The following SNTG1 variants were observed in gnomAD, a reference collection of about 807,000 sequenced individuals.
SNTG1 encodes the protein gamma-1-syntrophin.
A neutral mutation model predicts 74.7 loss-of-function variants in SNTG1; 39 were observed. The observed-to-expected ratio is 0.52, with a 90% CI of 0.40 to 0.68. The LOEUF (loss-of-function observed/expected upper bound fraction) is 0.68. Among genes scored for constraint, SNTG1 ranks in the 30% least tolerant of loss-of-function variants. SNTG1 has a pLI of 0.00. For missense variants in SNTG1, 685 were observed against 609.5 expected, an observed-to-expected ratio of 1.12 and a Z score of -1.30; for synonymous variants, 254 against 217.1, an observed-to-expected ratio of 1.17 and a Z score of -1.49.
chr8:50,261,546 G>C (rs998023348), intron 2 of SNTG1, among the ~76,000 whole-genome samples: 2 of 152,040 alleles, frequency 1.3e-5, no homozygotes, highest in South Asian at 4.1e-4. Context: ...CTACTAATCT[G>C]TTAGTTGCTA....
At chr8:49,921,300 A>T (rs1024465518) in intron 1 of SNTG1, among the ~76,000 whole-genome samples, 1 of 152,082 alleles carries the variant, frequency 6.6e-6, no homozygotes, top group Non-Finnish European at 1.5e-5. Context: ...TAACAAACAT[A>T]CCATGGTTAA....
At chr8:50,138,826 G>A (rs2081565767) in intron 1 of SNTG1, among the ~76,000 whole-genome samples, 1 of 151,784 alleles carries the variant, frequency 6.6e-6, no homozygotes, top group Non-Finnish European at 1.5e-5. Context: ...ATTCATAAAA[G>A]TGGGTAGGAT....
chr8:50,133,102 G>A (rs1207372813), intron 1 of SNTG1, among the ~76,000 whole-genome samples: 1 of 152,108 alleles, frequency 6.6e-6, no homozygotes, highest in Admixed American at 6.6e-5. Context: ...AAGCAAGGAC[G>A]AGCCAGTCTG....
intron 1 of SNTG1, among the ~76,000 whole-genome samples, chr8:50,144,539 G>A (rs917519518): frequency 3.3e-5 from 5 of 152,196 alleles, no homozygotes; most frequent in African/African-American, 9.7e-5. Flanking sequence ...TAAGTGAAGG[G>A]TGAGAATTTT....
At chr8:50,620,204 G>T (rs74711608) in intron 13 of SNTG1, among the ~76,000 whole-genome samples, 5,725 of 152,204 alleles carry the variant, frequency 0.038, 180 homozygotes, top group African/African-American at 0.076. Context: ...GCCATTCCAA[G>T]ACTCTCCAGG....
chr8:50,333,948 T>C (rs1332682774), intron 2 of SNTG1, among the ~76,000 whole-genome samples: 1 of 152,186 alleles, frequency 6.6e-6, no homozygotes, highest in East Asian at 1.9e-4. Context: ...ATGTACATAA[T>C]TTAGATTCTT....
chr8:50,144,248 T>C (rs2081776890), intron 1 of SNTG1, among the ~76,000 whole-genome samples: 1 of 152,210 alleles, frequency 6.6e-6, no homozygotes, highest in African/African-American at 2.4e-5. Flanking sequence ...TTAGAATGCA[T>C]TGTATGTTCG....
chr8:50,094,589 C>G (rs1415857940), intron 1 of SNTG1, among the ~76,000 whole-genome samples: 1 of 152,030 alleles, frequency 6.6e-6, no homozygotes, highest in Non-Finnish European at 1.5e-5. Flanking sequence ...AAAAAATGCT[C>G]CACATCACTA....
intron 1 of SNTG1, among the ~76,000 whole-genome samples, chr8:49,967,101 A>C (rs577371507): frequency 6.6e-6 from 1 of 152,222 alleles, no homozygotes; most frequent in Non-Finnish European, 1.5e-5. Flanking sequence ...CATTGTCCCA[A>C]GGGCGTAAGT....
intron 4 of SNTG1, among the ~76,000 whole-genome samples, chr8:50,432,525 A>C (rs914805823): frequency 7.2e-5 from 11 of 152,248 alleles, no homozygotes; most frequent in Non-Finnish European, 1.2e-4. Flanking sequence ...CTAAACCTAA[A>C]AATTAGTTTG....
In SNTG1 at chr8:50,211,987, C is replaced by T. The variant is rs2084542830; in HGVS notation, c.-28+39352C>T. Reference sequence around the variant, plus strand: ...AAGACAGGCTGTTATATGTGTTCTGCAGTAATTCTTGAATTTATTCAGAAA... The same window carrying T: ...AAGACAGGCTGTTATATGTGTTCTGTAGTAATTCTTGAATTTATTCAGAAA... On this transcript the variant is annotated intron_variant, in intron 2 of 18. Transcript: ENST00000642720. Among the ~76,000 whole-genome samples the T allele has an allele frequency of 1.3e-5, 2 of 152,186 alleles. 1 individual carries two copies. The highest frequency in any genetic ancestry group is 1.3e-4 in the Admixed American group (2 of 15,268).
chr8:49,983,149 C>T (rs572725482), intron 1 of SNTG1, among the ~76,000 whole-genome samples: 1 of 152,120 alleles, frequency 6.6e-6, no homozygotes, highest in Non-Finnish European at 1.5e-5. Flanking sequence ...GTTATGCAAT[C>T]ATTTTGATGC....
At chr8:49,938,609 T>C (rs1322651216) in intron 1 of SNTG1, among the ~76,000 whole-genome samples, 4 of 119,378 alleles carry the variant, frequency 3.4e-5, no homozygotes, top group African/African-American at 1.3e-4. Context: ...TTTCTTTTCT[T>C]TCTTTCTTTC....
intron 13 of SNTG1, among the ~76,000 whole-genome samples, chr8:50,631,136 T>A (rs547002237): frequency 1.2e-4 from 19 of 152,180 alleles, no homozygotes; most frequent in Non-Finnish European, 2.4e-4. Flanking sequence ...GAAAAATATC[T>A]CCAGATGTAA....
intron 1 of SNTG1, among the ~76,000 whole-genome samples, chr8:49,988,287 T>C (rs185717831): frequency 3.1e-4 from 47 of 152,268 alleles, no homozygotes; most frequent in African/African-American, 9.6e-4. Context: ...ACAGAAACTG[T>C]GTCCCATACA....
intron 2 of SNTG1, among the ~76,000 whole-genome samples, chr8:50,174,457 G>T (rs183791224): frequency 1.6e-4 from 24 of 152,274 alleles, no homozygotes; most frequent in Admixed American, 5.9e-4. Context: ...TCCACCAACA[G>T]TGTAAAAGCG....
chr8:50,537,406 A>G (rs2094315636), intron 11 of SNTG1, among the ~76,000 whole-genome samples: 1 of 152,158 alleles, frequency 6.6e-6, no homozygotes, highest in Non-Finnish European at 1.5e-5. Flanking sequence ...AGTTGGTCTA[A>G]ATTATAAGAT....
intron 13 of SNTG1, among the ~76,000 whole-genome samples, chr8:50,604,459 G>GAA (rs2094797984): frequency 6.6e-6 from 1 of 151,886 alleles, no homozygotes; most frequent in Non-Finnish European, 1.5e-5. Flanking sequence ...AAATATACCT[G>GAA]GTGTTCTATT....
chr8:50,405,904 G>T (rs1160337252), intron 4 of SNTG1, among the ~76,000 whole-genome samples: 1 of 152,022 alleles, frequency 6.6e-6, no homozygotes, highest in Admixed American at 6.6e-5. Context: ...GGGGGTATTT[G>T]TGGCCTCTCT....
Sources: gnomAD v4.1 joint callset for allele counts (sites outside exome capture counted in the v4.1 genomes callset) on GRCh38, gnomAD v4.1.1 for gene constraint, MANE v1.5 for transcripts, NCBI Gene and HGNC (gene_info 2026-07-23, HGNC 2026-07-21) for gene names.